The following CIP2A variants were observed in gnomAD, a reference collection of about 807,000 sequenced individuals.
CIP2A encodes cellular inhibitor of PP2A.
CIP2A carries 103 observed loss-of-function variants against 110.9 expected under a neutral mutation model. The ratio of observed to expected loss-of-function variants is 0.93; its 90% CI spans 0.79 to 1.09. The LOEUF is 1.09. Ranked by LOEUF, CIP2A falls within the 50% of genes least tolerant of loss-of-function variation. CIP2A has a pLI of 0.00. For missense variants in CIP2A, 1,088 were observed against 1,038.4 expected (o/e 1.05, Z -0.66); for synonymous variants, 381 against 361.6 (o/e 1.05, Z -0.61).
chr3:108,557,106 G>A, intron 17 of CIP2A, 112 bp downstream of exon 17: 1 of 595,334 alleles, frequency 1.7e-6, no homozygotes, highest in Non-Finnish European at 2.9e-6. Flanking sequence ...CTTACCTCAT[G>A]TGTTATCAGA....
chr3:108,563,455 T>A (rs1938077025), intron 12 of CIP2A, among the ~76,000 whole-genome samples: 7 of 152,066 alleles, frequency 4.6e-5, no homozygotes, highest in Admixed American at 4.6e-4. Context: ...ATGAACAGTT[T>A]AAAAAAATCT....
In CIP2A at chr3:108,564,490, G is replaced by C. The variant is rs1262411008; in HGVS notation, c.1515+865C>G. Reference sequence around the variant, plus strand: ...TTTAAGAGGCTAATATTTTGGAGTAGTCTCCTCCACTATGCTTTAGCAGAC... The same window carrying C: ...TTTAAGAGGCTAATATTTTGGAGTACTCTCCTCCACTATGCTTTAGCAGAC... On this transcript the variant is annotated intron_variant, in intron 12 of 20. Coordinates refer to ENST00000295746, the MANE Select transcript of CIP2A (RefSeq NM_020890.3). Among the ~76,000 whole-genome samples, 5 of 152,048 alleles carry C rather than the reference G, an allele frequency of 3.3e-5. No homozygotes were observed. In the East Asian group the frequency reaches 9.6e-4, roughly 29 times the overall value.
intron 20 of CIP2A, 37 bp downstream of exon 20, chr3:108,552,197 T>C: frequency 2.0e-6 from 3 of 1,520,294 alleles, no homozygotes; most frequent in South Asian, 2.6e-5. Flanking sequence ...CAGACTTTTT[T>C]ATTTTACTGC....
intron 20 of CIP2A, among the ~76,000 whole-genome samples, chr3:108,551,816 A>T (rs562793307): frequency 6.6e-6 from 1 of 152,256 alleles, no homozygotes; most frequent in East Asian, 1.9e-4. Context: ...CCGGACTCAG[A>T]TTCAGAATAT....
intron 13 of CIP2A, among the ~76,000 whole-genome samples, chr3:108,561,674 C>T (rs1938011233): frequency 1.3e-5 from 2 of 152,070 alleles, no homozygotes; most frequent in African/African-American, 4.8e-5. Flanking sequence ...GTCTCGAAAA[C>T]AAACAAGTAA....
chr3:108,557,122 T>A, intron 17 of CIP2A, 96 bp downstream of exon 17: 1 of 715,978 alleles, frequency 1.4e-6, no homozygotes, highest in Non-Finnish European at 2.3e-6. Context: ...TCAGAATATA[T>A]GAAATGCTTA....
At chr3:108,559,699 T>C in intron 16 of CIP2A, 58 bp downstream of exon 16, 1 of 924,410 alleles carries the variant, frequency 1.1e-6, no homozygotes, top group Non-Finnish European at 1.6e-6. Context: ...ACTAATATTT[T>C]GCATGTTTTA....
rs1559691310 is a variant in CIP2A at position 108,560,663 on chromosome 3, G to A, written c.1813C>T (p.Gln605Ter). 2 of 1,605,566 alleles carry A rather than the reference G, an allele frequency of 1.2e-6. No individual in the cohort carries two copies. Among genetic ancestry groups the A allele is most frequent in the African/African-American group, 1.3e-5 (1 of 74,430 alleles). The stretch of plus-strand genomic sequence containing the variant: ...TTTTCACTCACCACCATTCCAGACT[G>A]AAGTTTCTCTATTAATTCTTCAATA... Reference protein sequence around the residue: ...LNIEELIEKLQSGMVVKDQIC... With the variant: ...LNIEELIEKL Residue 605 changes from glutamine to a stop codon, truncating the protein, a stop_gained, in exon 14 of 21, where the codon CAG becomes TAG. Coordinates refer to ENST00000295746, the MANE Select transcript of CIP2A (RefSeq NM_020890.3). LOFTEE classifies it high-confidence loss of function.
chr3:108,576,110 C>T (rs1461573260), intron 8 of CIP2A, among the ~76,000 whole-genome samples, 161 bp downstream of exon 8: 1 of 151,888 alleles, frequency 6.6e-6, no homozygotes. Context: ...ATACTGGTAA[C>T]ATTCTACATC....
intron 8 of CIP2A, chr3:108,575,193 C>G (rs982017673): frequency 6.6e-6 from 1 of 151,808 alleles, no homozygotes; most frequent in Non-Finnish European, 1.5e-5. Context: ...TATGTTGAAC[C>G]AAAGAAAGTC....
intron 3 of CIP2A, 26 bp from the exon 4 acceptor site, chr3:108,582,228 T>C: frequency 1.1e-6 from 1 of 951,320 alleles, no homozygotes; most frequent in South Asian, 1.7e-5. Context: ...TAGTTATAAA[T>C]ATAAAGATAT....
chr3:108,576,155 A>T (rs995251636), intron 8 of CIP2A, 116 bp downstream of exon 8: 7 of 585,922 alleles, frequency 1.2e-5, no homozygotes, highest in African/African-American at 1.2e-4. Flanking sequence ...TTGTGTCCCT[A>T]TTATAAAAAT....
At chr3:108,567,579 T>A (rs1409901593) in intron 10 of CIP2A, among the ~76,000 whole-genome samples, 1 of 151,894 alleles carries the variant, frequency 6.6e-6, no homozygotes, top group African/African-American at 2.4e-5. Flanking sequence ...AAAATCAGTA[T>A]ATAGAAGTTA....
At position 108,551,182 on chromosome 3, in the gene CIP2A, T is replaced by C. The variant is rs775592055; in HGVS notation, c.2685A>G (p.Lys895=). Residue 895 remains lysine (K), a synonymous_variant, in exon 21 of 21, where the codon AAA becomes AAG. Coordinates refer to ENST00000295746, the MANE Select transcript of CIP2A (RefSeq NM_020890.3). ...TGAGATTCACAGTTTCTGGATTTAT[T>C]TTTCCACCACTTAAACTGTGGATCA... The part of the protein sequence containing the change: ...IAMIHSLSGG[K]INPETVNLSI The C allele has an allele frequency of 1.2e-6, 2 of 1,607,120 alleles. No homozygotes were observed. The highest frequency in any genetic ancestry group is 8.5e-7 in the Non-Finnish European group (1 of 1,176,182).
At chr3:108,580,400 T>C (rs1938827123) in intron 5 of CIP2A, among the ~76,000 whole-genome samples, 1 of 150,892 alleles carries the variant, frequency 6.6e-6, no homozygotes, top group Non-Finnish European at 1.5e-5. Flanking sequence ...TTCCTAAATA[T>C]GAACATATGA....
intron 1 of CIP2A, among the ~76,000 whole-genome samples, chr3:108,587,462 G>A (rs1939083047): frequency 6.6e-6 from 1 of 152,152 alleles, no homozygotes; most frequent in Non-Finnish European, 1.5e-5. Flanking sequence ...CTTATGTGAA[G>A]AGGCAATGAA....
intron 4 of CIP2A, 75 bp downstream of exon 4, chr3:108,582,033 A>G (rs1938899071): frequency 1.5e-6 from 1 of 671,802 alleles, no homozygotes; most frequent in Non-Finnish European, 2.5e-6. Context: ...TCTAAGAAAA[A>G]TTAATCTACC....
intron 8 of CIP2A, 123 bp downstream of exon 8, chr3:108,576,148 T>A: frequency 1.8e-6 from 1 of 569,098 alleles, no homozygotes; most frequent in East Asian, 3.1e-5. Context: ...TACATAATTG[T>A]GTCCCTATTA....
At chr3:108,567,384 G>A (rs1231250358) in intron 10 of CIP2A, among the ~76,000 whole-genome samples, 1 of 151,776 alleles carries the variant, frequency 6.6e-6, no homozygotes, top group Non-Finnish European at 1.5e-5. Flanking sequence ...CTAGGACAGA[G>A]TAGAACATAT....
Sources: allele counts gnomAD v4.1 joint callset (sites outside exome capture counted in the v4.1 genomes callset), GRCh38; gene constraint gnomAD v4.1.1; transcripts MANE v1.5; gene names NCBI Gene and HGNC (gene_info 2026-07-23, HGNC 2026-07-21).